Variants in ANO10 observed in about 807,000 individuals in gnomAD.
ANO10 encodes anoctamin 10.
Under a neutral mutation model 74.7 loss-of-function variants are expected in ANO10, and 77 were observed. The ratio of observed to expected loss-of-function variants is 1.03; its 90% CI spans 0.86 to 1.25. The LOEUF (loss-of-function observed/expected upper bound fraction) is 1.25, where lower values mean the gene tolerates loss of function less well. ANO10 is among the 50% of genes most tolerant of loss of function. ANO10 has a pLI of 0.00. For missense variants in ANO10, 721 were observed against 778.1 expected, an observed-to-expected ratio of 0.93 and a Z score of 0.87; for synonymous variants, 279 against 284.9, an observed-to-expected ratio of 0.98 and a Z score of 0.21.
At chr3:43,494,385 G>A (rs1401169442) in intron 11 of ANO10, among the ~76,000 whole-genome samples, 2 of 152,084 alleles carry the variant, frequency 1.3e-5, no homozygotes, top group African/African-American at 2.4e-5. Flanking sequence ...CCCAGGAGGC[G>A]GAGGTTGCAG....
intron 11 of ANO10, among the ~76,000 whole-genome samples, chr3:43,465,536 C>G (rs1021368297): frequency 6.6e-6 from 1 of 152,156 alleles, no homozygotes; most frequent in African/African-American, 2.4e-5. Flanking sequence ...CACCTGTAAT[C>G]TCAGCTGCTT....
rs1209535988 is a variant in ANO10, at chr3:43,366,153, C to G, written c.*753G>C. The G allele has an allele frequency of 6.5e-6, 1 of 153,798 alleles. No homozygotes were observed. The highest frequency in any genetic ancestry group is 2.0e-4 in the South Asian group (1 of 4,894). 9.5% of individuals were successfully genotyped at this position (153,798 alleles called of 1,614,324 possible). A position where few individuals can be genotyped will look rare whatever the true frequency, so the allele number is the denominator to read the frequency against. On this transcript the variant is annotated 3_prime_UTR_variant, in exon 13 of 13. Coordinates refer to ENST00000292246, the MANE Select transcript of ANO10 (RefSeq NM_018075.5). ...GCATGTGAAAGCAGCCCTAGTGTCCCTGTAGGTGGGCACCACCAGCAGCAG... is the reference window on the plus strand; with the variant it reads ...GCATGTGAAAGCAGCCCTAGTGTCCGTGTAGGTGGGCACCACCAGCAGCAG...
At chr3:43,370,423 G>A (rs2091567142) in intron 12 of ANO10, among the ~76,000 whole-genome samples, 1 of 152,194 alleles carries the variant, frequency 6.6e-6, no homozygotes, top group Non-Finnish European at 1.5e-5. Flanking sequence ...GGGCCAGGAG[G>A]GGTGAAACAG....
intron 11 of ANO10, among the ~76,000 whole-genome samples, chr3:43,502,528 C>A (rs1045141514): frequency 6.6e-6 from 1 of 152,200 alleles, no homozygotes; most frequent in African/African-American, 2.4e-5. Context: ...CAGCCAGAGG[C>A]CCTCACCAGA....
chr3:43,690,139 A>G (rs1421890511), intron 1 of ANO10: 2 of 151,050 alleles, frequency 1.3e-5, no homozygotes, highest in South Asian at 2.1e-4. Context: ...GGCTCACCGC[A>G]ACCTCCGCCT....
rs193038265 is a variant in ANO10, at chr3:43,396,329, G to A, written c.1915-29355C>T. Among the ~76,000 whole-genome samples, 341 of 151,624 alleles carry A rather than the reference G, an allele frequency of 2.2e-3. 1 individual carries two copies. The highest frequency in any genetic ancestry group is 3.8e-3 in the Non-Finnish European group (258 of 67,886). ...TTTTACAATTATTTTTTCTTTCTTC[G>A]CTTCACGTTTGATAAGGTTTTTTTT... On this transcript the variant is annotated intron_variant, in intron 12 of 12. Coordinates refer to ENST00000292246, the MANE Select transcript of ANO10 (RefSeq NM_018075.5).
chr3:43,494,346 A>G (rs758779309), intron 11 of ANO10, among the ~76,000 whole-genome samples: 2 of 152,052 alleles, frequency 1.3e-5, no homozygotes, highest in African/African-American at 2.4e-5. Context: ...CCAGCTACTC[A>G]GGCGGCTGAG....
intron 10 of ANO10, chr3:43,551,619 T>C (rs769492654): frequency 6.6e-6 from 3 of 455,476 alleles, no homozygotes; most frequent in South Asian, 4.7e-5. Flanking sequence ...TTTGTTTGCA[T>C]ATTCCAAAAT....
At chr3:43,583,072 G>A (rs974354063) in intron 4 of ANO10, among the ~76,000 whole-genome samples, 6 of 152,120 alleles carry the variant, frequency 3.9e-5, no homozygotes, top group African/African-American at 1.4e-4. Flanking sequence ...TTCTACTGTA[G>A]AAGACTTCCC....
At chr3:43,402,870 C>A (rs1444862572) in intron 12 of ANO10, among the ~76,000 whole-genome samples, 1 of 152,184 alleles carries the variant, frequency 6.6e-6, no homozygotes, top group Admixed American at 6.5e-5. Context: ...ATTACCAAGA[C>A]CGTACCATGG....
At chr3:43,384,665 T>C (rs978829039) in intron 12 of ANO10, among the ~76,000 whole-genome samples, 1 of 151,792 alleles carries the variant, frequency 6.6e-6, no homozygotes, top group African/African-American at 2.4e-5. Context: ...AAAAACAAAG[T>C]GGGGAAGGAC....
At chr3:43,530,041 T>TA (rs2078388516) in intron 11 of ANO10, among the ~76,000 whole-genome samples, 1 of 152,098 alleles carries the variant, frequency 6.6e-6, no homozygotes, top group Admixed American at 6.6e-5. Context: ...GAGACACACT[T>TA]AGAGTGATTC....
intron 11 of ANO10, among the ~76,000 whole-genome samples, chr3:43,478,051 ACTC>A (rs1266558857): frequency 6.6e-6 from 1 of 152,010 alleles, no homozygotes; most frequent in Non-Finnish European, 1.5e-5. Context: ...TCATATATTT[ACTC>A]ATTTAATGCT....
intron 1 of ANO10, among the ~76,000 whole-genome samples, chr3:43,631,208 G>T (rs1167191524): frequency 1.3e-5 from 2 of 152,184 alleles, no homozygotes; most frequent in African/African-American, 4.8e-5. Flanking sequence ...CTTCTGGTTA[G>T]GATCTGGCTT....
intron 11 of ANO10, among the ~76,000 whole-genome samples, chr3:43,466,928 C>T (rs1268375652): frequency 6.6e-6 from 1 of 151,956 alleles, no homozygotes; most frequent in Non-Finnish European, 1.5e-5. Flanking sequence ...GATGGTGCAA[C>T]AAAAATGAGC....
chr3:43,682,795 T>A (rs1307058378), intron 1 of ANO10, among the ~76,000 whole-genome samples: 3 of 152,198 alleles, frequency 2.0e-5, no homozygotes, highest in African/African-American at 7.2e-5. Context: ...TCAATAAACA[T>A]AATCCAGCAT....
intron 1 of ANO10, among the ~76,000 whole-genome samples, chr3:43,644,898 A>G (rs905813575): frequency 6.6e-6 from 1 of 152,184 alleles, no homozygotes; most frequent in African/African-American, 2.4e-5. Context: ...CTCTGTAAAG[A>G]GGCCCTCTTG....
chr3:43,385,222 C>T (rs929194979), intron 12 of ANO10, among the ~76,000 whole-genome samples: 1 of 152,132 alleles, frequency 6.6e-6, no homozygotes, highest in Non-Finnish European at 1.5e-5. Context: ...AATGCAATAT[C>T]TCCTACAAGA....
At chr3:43,510,875 T>C (rs1488332216) in intron 11 of ANO10, among the ~76,000 whole-genome samples, 1 of 152,202 alleles carries the variant, frequency 6.6e-6, no homozygotes, top group African/African-American at 2.4e-5. Flanking sequence ...TTCTGTATGC[T>C]ATTCATATCT....
Sources: gnomAD v4.1 joint callset for allele counts (sites outside exome capture counted in the v4.1 genomes callset) on GRCh38, gnomAD v4.1.1 for gene constraint, MANE v1.5 for transcripts, NCBI Gene and HGNC (gene_info 2026-07-23, HGNC 2026-07-21) for gene names.